Variants in RARS2 observed in about 807,000 individuals in gnomAD.
RARS2 encodes arginyl-tRNA synthetase 2, mitochondrial, also known as probable arginine--tRNA ligase, mitochondrial.
RARS2 carries 67 observed loss-of-function variants against 88.5 expected under a neutral mutation model. The observed-to-expected ratio is 0.76, with a 90% confidence interval of 0.62 to 0.93. The LOEUF (loss-of-function observed/expected upper bound fraction) is 0.93. Ranked by LOEUF, RARS2 falls within the 40% of genes least tolerant of loss-of-function variation. RARS2 has a pLI of 0.00. For synonymous variants in RARS2, 239 were observed against 230.3 expected (o/e 1.04, Z -0.34); for missense variants, 664 against 684.2 (o/e 0.97, Z 0.33).
Position 87,555,380 on chromosome 6 carries a change from G to A in RARS2, c.395+28C>T, listed in dbSNP as rs762538776. ...TCCTCTGCCCAGTCAACTTGATTAA[G>A]CAACACATAAAAGGGGTGCACCCTC... On this transcript the variant is annotated intron_variant, in intron 5 of 19. Coordinates refer to ENST00000369536, the MANE Select transcript of RARS2 (RefSeq NM_020320.5). The A allele has an allele frequency of 1.9e-6, 3 of 1,556,346 alleles. No individual in the cohort carries two copies. The South Asian group carries it at 3.3e-5, about 17-fold the overall frequency.
At chr6:87,562,243 G>A (rs1788061492) in intron 4 of RARS2, among the ~76,000 whole-genome samples, 1 of 152,130 alleles carries the variant, frequency 6.6e-6, no homozygotes, top group Non-Finnish European at 1.5e-5. Context: ...AGATGATACA[G>A]TCTACTATAC....
rs575057271 is a variant in RARS2 at position 87,530,917 on chromosome 6, G to C, written c.638C>G (p.Ala213Gly). The C allele has an allele frequency of 9.3e-6, 15 of 1,614,100 alleles. No homozygotes were observed. In the South Asian group the frequency reaches 1.2e-4, roughly 13 times the overall value. Residue 213 changes from alanine (A) to glycine (G), a missense_variant, in exon 9 of 20, where the codon GCA (alanine) becomes GGA (glycine). Coordinates refer to ENST00000369536, the MANE Select transcript of RARS2 (RefSeq NM_020320.5). Reference sequence around the variant, plus strand: ...TTTTGCTACACTTTTATCATCTGCTGCTTCTTTATTAACTTGTACATAAAC... The same window carrying C: ...TTTTGCTACACTTTTATCATCTGCTCCTTCTTTATTAACTTGTACATAAAC... ...FEVYVQVNKE[A>G]ADDKSVAKAA...
chr6:87,521,262 G>A (rs1207350619), intron 12 of RARS2, among the ~76,000 whole-genome samples: 4 of 152,092 alleles, frequency 2.6e-5, no homozygotes, highest in Non-Finnish European at 2.9e-5. Flanking sequence ...TACTGATTCA[G>A]GTAATTTTTT....
At chr6:87,566,574 A>G (rs2128180793) in intron 2 of RARS2, among the ~76,000 whole-genome samples, 1 of 152,280 alleles carries the variant, frequency 6.6e-6, no homozygotes, top group East Asian at 1.9e-4. Context: ...AGAGCCCAAC[A>G]CAGTGGCTCA....
chr6:87,555,020 C>A (rs57020029), intron 5 of RARS2, among the ~76,000 whole-genome samples: 97 of 151,944 alleles, frequency 6.4e-4, no homozygotes, highest in Middle Eastern at 3.4e-3. Flanking sequence ...AGGAGAATGG[C>A]GTGAACCCAG....
chr6:87,571,679 T>C (rs1245094347), intron 1 of RARS2, among the ~76,000 whole-genome samples: 4 of 152,226 alleles, frequency 2.6e-5, no homozygotes, highest in East Asian at 1.9e-4. Context: ...TTTGTGACTG[T>C]TCAGGAGAGC....
At chr6:87,529,841 C>T (rs921389350) in intron 9 of RARS2, among the ~76,000 whole-genome samples, 193 bp from the exon 10 acceptor site, 1 of 151,638 alleles carries the variant, frequency 6.6e-6, no homozygotes, top group Admixed American at 6.6e-5. Flanking sequence ...GGATCACTTG[C>T]GCCCAGGAGT....
At chr6:87,563,305 A>C (rs553025475) in intron 3 of RARS2, among the ~76,000 whole-genome samples, 1 of 152,362 alleles carries the variant, frequency 6.6e-6, no homozygotes, top group South Asian at 2.1e-4. Flanking sequence ...ATCTGCTGTC[A>C]CTAAAGAGCA....
At chr6:87,531,765 T>C (rs1777608499) in intron 8 of RARS2, among the ~76,000 whole-genome samples, 1 of 152,104 alleles carries the variant, frequency 6.6e-6, no homozygotes, top group South Asian at 2.1e-4. Flanking sequence ...CATTTTTCAG[T>C]CTCCAAAATA....
At chr6:87,539,382 C>T (rs1780194311) in intron 8 of RARS2, among the ~76,000 whole-genome samples, 1 of 152,228 alleles carries the variant, frequency 6.6e-6, no homozygotes, top group Non-Finnish European at 1.5e-5. Context: ...CCTTAAATAT[C>T]TGCTAGCCGT....
intron 11 of RARS2, among the ~76,000 whole-genome samples, chr6:87,522,690 C>G (rs2128024945): frequency 6.6e-6 from 1 of 152,280 alleles, no homozygotes; most frequent in Admixed American, 6.5e-5. Flanking sequence ...GGGGTATCAT[C>G]ATGTTGGCCA....
At chr6:87,559,105 T>A (rs981803822) in intron 4 of RARS2, among the ~76,000 whole-genome samples, 1 of 152,062 alleles carries the variant, frequency 6.6e-6, no homozygotes, top group African/African-American at 2.4e-5. Context: ...GCTTACAGAA[T>A]AAGGATATAT....
intron 7 of RARS2, among the ~76,000 whole-genome samples, chr6:87,543,573 G>A (rs564529317): frequency 1.3e-3 from 205 of 152,146 alleles, no homozygotes; most frequent in Non-Finnish European, 2.4e-3. Context: ...CCTGGGAGGC[G>A]GAGGTTGCAG....
At chr6:87,539,035 CATAA>C (rs549298985) in intron 8 of RARS2, among the ~76,000 whole-genome samples, 4 of 140,300 alleles carry the variant, frequency 2.9e-5, no homozygotes, top group Admixed American at 7.0e-5. Context: ...TCCTGTCTCA[CATAA>C]ATAAATAAAT....
At chr6:87,579,734 T>G (rs1772846055) in intron 1 of RARS2, among the ~76,000 whole-genome samples, 1 of 126,614 alleles carries the variant, frequency 7.9e-6, no homozygotes, top group Admixed American at 8.0e-5. Context: ...TTTTTTTTTT[T>G]TTTTTTTTTT....
chr6:87,534,593 G>T (rs1182235150), intron 8 of RARS2, among the ~76,000 whole-genome samples: 1 of 152,170 alleles, frequency 6.6e-6, no homozygotes, highest in Non-Finnish European at 1.5e-5. Flanking sequence ...ATTCTAAGAG[G>T]AAGACTAAGA....
At position 87,540,446 on chromosome 6, in the gene RARS2, C is replaced by CAAAA. The variant is rs34144204; in HGVS notation, c.612+1468_612+1471dup. Among the ~76,000 whole-genome samples the CAAAA allele has an allele frequency of 1.4e-3, 59 of 42,306 alleles. 1 individual carries two copies. Among genetic ancestry groups the CAAAA allele is most frequent in the African/African-American group, 4.9e-3 (51 of 10,466 alleles). 27.8% of individuals were successfully genotyped at this position (42,306 alleles called of 152,430 possible). A position where few individuals can be genotyped will look rare whatever the true frequency, so the allele number is the denominator to read the frequency against. On this transcript the variant is annotated intron_variant, in intron 8 of 19. Coordinates refer to ENST00000369536, the MANE Select transcript of RARS2 (RefSeq NM_020320.5). ...GCCTAGGCAACAGTGTGAGACTCCT[C>CAAAA]AAAAAAAAAAAAAAAAAAAAAAAAC...
At chr6:87,565,397 A>G (rs895097660) in intron 2 of RARS2, among the ~76,000 whole-genome samples, 2 of 152,236 alleles carry the variant, frequency 1.3e-5, no homozygotes, top group Non-Finnish European at 2.9e-5. Context: ...AAAAAAATAC[A>G]AAAACAAAGA....
At position 87,521,503 on chromosome 6, in the gene RARS2, A is replaced by T; in HGVS notation, c.996T>A (p.Asp332Glu). 6.2e-7 allele frequency: 1 copy of T among 1,612,386 alleles called. No individual in the cohort carries two copies. Among genetic ancestry groups the T allele is most frequent in the Non-Finnish European group, 8.5e-7 (1 of 1,178,730 alleles). ...YATRDLAAAIDRMDKYNFDTM... is the reference protein window; with the variant it reads ...YATRDLAAAIERMDKYNFDTM... Reference sequence around the variant, plus strand: ...TATCAAAATTATACTTGTCCATTCGATCTATAGCAGCTGCAAGATCTCTGA... The same window carrying T: ...TATCAAAATTATACTTGTCCATTCGTTCTATAGCAGCTGCAAGATCTCTGA... Residue 332 changes from aspartate to glutamate, a missense_variant, in exon 12 of 20, where the codon GAT becomes GAA. Asp to Glu is a conservative substitution (Grantham distance 45, BLOSUM62 2). Transcript: ENST00000369536.
Sources: gnomAD v4.1 joint callset for allele counts (sites outside exome capture counted in the v4.1 genomes callset) on GRCh38, gnomAD v4.1.1 for gene constraint, MANE v1.5 for transcripts, NCBI Gene and HGNC (gene_info 2026-07-23, HGNC 2026-07-21) for gene names.